Variants in FER observed in about 807,000 individuals in gnomAD.
FER encodes FER tyrosine kinase.
A neutral mutation model predicts 111.0 loss-of-function variants in FER; 63 were observed. The ratio of observed to expected loss-of-function variants is 0.57; its 90% CI spans 0.46 to 0.70. The LOEUF is 0.70. FER is among the 30% of genes least tolerant of loss of function. The probability of loss-of-function intolerance (pLI) is 0.00; values close to 1 mark genes in which losing one functional copy is unlikely to be tolerated. For missense variants in FER, 914 were observed against 954.0 expected, an observed-to-expected ratio of 0.96 and a Z score of 0.55; for synonymous variants, 327 against 313.9, an observed-to-expected ratio of 1.04 and a Z score of -0.44.
chr5:108,835,878 A>G, intron 5 of FER, 71 bp downstream of exon 5: 1 of 828,078 alleles, frequency 1.2e-6, no homozygotes, highest in Non-Finnish European at 1.9e-6. Context: ...TATCTTTGTA[A>G]GTAGTGGAAT....
At chr5:108,986,529 G>A (rs1414550598) in intron 13 of FER, among the ~76,000 whole-genome samples, 1 of 152,070 alleles carries the variant, frequency 6.6e-6, no homozygotes, top group East Asian at 1.9e-4. Flanking sequence ...CTAATCCAGT[G>A]TCTAGAAGTG....
chr5:109,072,158 CT>C (rs1489555049), intron 16 of FER, among the ~76,000 whole-genome samples: 1 of 151,210 alleles, frequency 6.6e-6, no homozygotes, highest in Admixed American at 6.6e-5. Flanking sequence ...ATTGTTTACC[CT>C]TATGACATTT....
chr5:108,898,126 C>G (rs1014859234), intron 10 of FER, among the ~76,000 whole-genome samples: 2 of 152,208 alleles, frequency 1.3e-5, no homozygotes, highest in African/African-American at 4.8e-5. Flanking sequence ...TGGGAGACAG[C>G]AGGAAGGTAG....
rs771779164 is a variant in FER, at chr5:109,124,713, G to A, written c.2048+24194G>A. Among the ~76,000 whole-genome samples the A allele has an allele frequency of 1.2e-4, 18 of 152,140 alleles. No individual in the cohort carries two copies. The South Asian group carries it at 2.5e-3, about 21-fold the overall frequency. Reference sequence around the variant, plus strand: ...TATTTAGGAAGAAAAACATTTAAAAGGAAGAAAATACAAGATTAGAAACAT... The same window carrying A: ...TATTTAGGAAGAAAAACATTTAAAAAGAAGAAAATACAAGATTAGAAACAT... On this transcript the variant is annotated intron_variant, in intron 17 of 19. Coordinates refer to ENST00000281092, the MANE Select transcript of FER (RefSeq NM_005246.4).
intron 3 of FER, among the ~76,000 whole-genome samples, chr5:108,822,939 C>T (rs891349353): frequency 2.0e-5 from 3 of 151,218 alleles, no homozygotes; most frequent in East Asian, 3.9e-4. Context: ...GGCGCCATCT[C>T]GGCTCACTGC....
At chr5:109,094,704 A>T (rs1409096931) in intron 16 of FER, among the ~76,000 whole-genome samples, 1 of 152,184 alleles carries the variant, frequency 6.6e-6, no homozygotes, top group Non-Finnish European at 1.5e-5. Flanking sequence ...TTTTCCAATA[A>T]AACTTTATTC....
intron 5 of FER, among the ~76,000 whole-genome samples, chr5:108,845,024 A>ATG (rs1561502991): frequency 1.7e-4 from 9 of 52,138 alleles, no homozygotes; most frequent in East Asian, 7.2e-4. Flanking sequence ...ATATATATAT[A>ATG]TATATATATA....
At chr5:108,801,951 A>T (rs1756700843) in intron 3 of FER, among the ~76,000 whole-genome samples, 1 of 152,220 alleles carries the variant, frequency 6.6e-6, no homozygotes, top group Admixed American at 6.5e-5. Context: ...TACAGCATGG[A>T]TACACTAGAC....
intron 12 of FER, among the ~76,000 whole-genome samples, chr5:108,958,901 T>C (rs1758780699): frequency 1.3e-5 from 2 of 151,906 alleles, no homozygotes; most frequent in Admixed American, 6.6e-5. Flanking sequence ...ATGCTTTGTT[T>C]CCTTTGGTTA....
intron 16 of FER, among the ~76,000 whole-genome samples, chr5:109,078,213 T>C (rs530588222): frequency 6.6e-6 from 1 of 152,262 alleles, no homozygotes; most frequent in South Asian, 2.1e-4. Flanking sequence ...CTATACTCCC[T>C]ATATACAGCA....
chr5:109,102,703 T>C (rs970601135), intron 17 of FER, among the ~76,000 whole-genome samples: 1 of 152,204 alleles, frequency 6.6e-6, no homozygotes, highest in African/African-American at 2.4e-5. Flanking sequence ...TTGTTAATCT[T>C]GAGTGCTAGA....
intron 16 of FER, among the ~76,000 whole-genome samples, chr5:109,073,943 A>G (rs1313806358): frequency 1.3e-5 from 2 of 152,202 alleles, no homozygotes; most frequent in Admixed American, 1.3e-4. Context: ...AGCTTTAAAT[A>G]TTGAGTAAAA....
intron 17 of FER, among the ~76,000 whole-genome samples, chr5:109,125,348 AAATT>A (rs1213776292): frequency 3.3e-5 from 5 of 152,286 alleles, no homozygotes; most frequent in East Asian, 1.9e-4. Flanking sequence ...ATCATTGTGA[AAATT>A]AATTGTGATT....
At chr5:109,101,142 T>TA (rs1748182289) in intron 17 of FER, among the ~76,000 whole-genome samples, 1 of 151,938 alleles carries the variant, frequency 6.6e-6, no homozygotes, top group Admixed American at 6.6e-5. Flanking sequence ...TAGTTGCTTG[T>TA]AGCGGGAATT....
At chr5:108,951,833 T>C (rs1757795755) in intron 11 of FER, among the ~76,000 whole-genome samples, 1 of 152,164 alleles carries the variant, frequency 6.6e-6, no homozygotes, top group East Asian at 1.9e-4. Flanking sequence ...CTCATCTTGC[T>C]ACTCAAATGC....
rs181101279 is a variant in FER at position 108,903,234 on chromosome 5, G to A, written c.1236+5386G>A. Among the ~76,000 whole-genome samples, 370 of 152,162 alleles carry A rather than the reference G, an allele frequency of 2.4e-3. 2 individuals carry two copies. The highest frequency in any genetic ancestry group is 8.3e-3 in the African/African-American group (346 of 41,518). On this transcript the variant is annotated intron_variant, in intron 10 of 19. Transcript: ENST00000281092. The stretch of plus-strand genomic sequence containing the variant: ...TTCTGAAATTGCACATTTTGTTTAA[G>A]CCCTTTTGCTAGACCAACACACAAC...
At chr5:108,839,006 T>C (rs962778712) in intron 5 of FER, among the ~76,000 whole-genome samples, 2 of 151,976 alleles carry the variant, frequency 1.3e-5, no homozygotes, top group African/African-American at 2.4e-5. Context: ...AGGTGTTTCT[T>C]TTTTTTTCCT....
chr5:108,822,698 AATTTTATTTTATTTATTTT>A (rs1239400987), intron 3 of FER, among the ~76,000 whole-genome samples: 16 of 139,774 alleles, frequency 1.1e-4, no homozygotes, highest in Admixed American at 5.0e-4. Context: ...TTGGGGATCA[AATTTTATTTTATTTATTTT>A]ATTTTATTTT....
intron 16 of FER, among the ~76,000 whole-genome samples, chr5:109,063,894 G>T (rs1392270265): frequency 6.6e-6 from 1 of 152,074 alleles, no homozygotes; most frequent in Non-Finnish European, 1.5e-5. Context: ...TATGTTAACT[G>T]ATGTTATATC....
Sources: gnomAD v4.1 joint callset for allele counts (sites outside exome capture counted in the v4.1 genomes callset) on GRCh38, gnomAD v4.1.1 for gene constraint, MANE v1.5 for transcripts, NCBI Gene and HGNC (gene_info 2026-07-23, HGNC 2026-07-21) for gene names.